Variants in DAB1 observed in about 807,000 individuals in gnomAD.
DAB1 encodes DAB adaptor protein 1.
Under a neutral mutation model 64.6 loss-of-function variants are expected in DAB1, and 15 were observed. The observed-to-expected ratio is 0.23, with a 90% confidence interval of 0.16 to 0.36. The LOEUF (loss-of-function observed/expected upper bound fraction) is 0.36. Ranked by LOEUF, DAB1 falls within the 10% of genes least tolerant of loss-of-function variation. The pLI is 1.00. For synonymous variants in DAB1, 235 were observed against 251.9 expected, an observed-to-expected ratio of 0.93 and a Z score of 0.64; for missense variants, 596 against 706.7, an observed-to-expected ratio of 0.84 and a Z score of 1.78.
At chr1:57,384,167 A>C (rs1304390129) in intron 1 of DAB1, among the ~76,000 whole-genome samples, 1 of 152,200 alleles carries the variant, frequency 6.6e-6, no homozygotes, top group East Asian at 1.9e-4. Context: ...ATCATTAGGA[A>C]AATGCAAATT....
At chr1:57,816,083 G>A (rs766832512) in intron 6 of DAB1, among the ~76,000 whole-genome samples, 1 of 152,190 alleles carries the variant, frequency 6.6e-6, no homozygotes, top group Non-Finnish European at 1.5e-5. Context: ...CTGGTAAAGT[G>A]AGAGTACTGA....
intron 7 of DAB1, among the ~76,000 whole-genome samples, chr1:57,493,355 A>G (rs1322129237): frequency 6.6e-6 from 1 of 151,682 alleles, no homozygotes; most frequent in Admixed American, 6.6e-5. Flanking sequence ...ATTTAGCTAT[A>G]TTGGGCAACT....
intron 4 of DAB1, among the ~76,000 whole-genome samples, chr1:57,106,977 C>T (rs1335453782): frequency 6.6e-6 from 1 of 152,108 alleles, no homozygotes; most frequent in African/African-American, 2.4e-5. Context: ...GTCAGGTTAT[C>T]ATGAGGCTGG....
chr1:58,373,720 T>G (rs958017383), intron 3 of DAB1, among the ~76,000 whole-genome samples: 2 of 151,970 alleles, frequency 1.3e-5, no homozygotes, highest in African/African-American at 4.8e-5. Flanking sequence ...GGTCAAATGG[T>G]ATTTCTAGTT....
At position 58,357,807 on chromosome 1, in the gene DAB1, G is replaced by A. The variant is rs556945314; in HGVS notation, n.258-14404C>T. On this transcript the variant is annotated intron_variant and non_coding_transcript_variant, in intron 3 of 20. Coordinates refer to the DAB1 transcript ENST00000485760. ...ATCTAGAGAGACAGGACAGAGACCT[G>A]TGAAATCCAACATCTATAGTGGGAA... is the stretch of plus-strand genomic sequence containing the variant. 9.8e-3 allele frequency among the ~76,000 whole-genome samples: 1,490 copies of A among 152,126 alleles called. 17 individuals carry two copies. The highest frequency in any genetic ancestry group is 0.015 in the Non-Finnish European group (1,028 of 67,986).
chr1:57,794,292 G>T (rs945732543), intron 6 of DAB1, among the ~76,000 whole-genome samples: 1 of 152,096 alleles, frequency 6.6e-6, no homozygotes, highest in Admixed American at 6.5e-5. Flanking sequence ...CACCAACAGG[G>T]TAAAGTCCAA....
intron 9 of DAB1, among the ~76,000 whole-genome samples, chr1:57,059,582 T>A (rs1650172727): frequency 6.6e-6 from 1 of 152,060 alleles, no homozygotes; most frequent in Non-Finnish European, 1.5e-5. Flanking sequence ...TGTGCATTCA[T>A]CAGAGAGGCA....
intron 3 of DAB1, among the ~76,000 whole-genome samples, chr1:58,351,115 G>C (rs1284130738): frequency 1.3e-5 from 2 of 152,096 alleles, no homozygotes; most frequent in African/African-American, 4.8e-5. Context: ...CCATTTGTTT[G>C]TGTCCTCCCT....
chr1:57,440,631 A>G lies in DAB1; in HGVS notation n.626-149465T>C, dbSNP rs139039963. 1.4e-3 allele frequency among the ~76,000 whole-genome samples: 214 copies of G among 152,294 alleles called. 5 individuals carry two copies. The East Asian group carries it at 0.036, about 26-fold the overall frequency. On this transcript the variant is annotated intron_variant and non_coding_transcript_variant, in intron 7 of 20. Coordinates refer to the DAB1 transcript ENST00000485760. ...TTAGGGGATGTTACCAAAGGATGCTAAAGGCAAAACCGTTCATAGCTCTTG... is the reference window on the plus strand; with the variant it reads ...TTAGGGGATGTTACCAAAGGATGCTGAAGGCAAAACCGTTCATAGCTCTTG...
chr1:57,608,071 A>C (rs1021894724), intron 7 of DAB1, among the ~76,000 whole-genome samples: 1 of 152,202 alleles, frequency 6.6e-6, no homozygotes, highest in Non-Finnish European at 1.5e-5. Context: ...CCAGGCATGC[A>C]CATACCCAGA....
intron 2 of DAB1, among the ~76,000 whole-genome samples, chr1:57,205,658 T>C (rs570575612): frequency 1.6e-4 from 24 of 152,328 alleles, no homozygotes; most frequent in Non-Finnish European, 8.8e-5. Flanking sequence ...ATTATTTCTC[T>C]CGTCTTACAG....
intron 7 of DAB1, among the ~76,000 whole-genome samples, chr1:57,482,500 AAAAAC>A (rs1174072523): frequency 6.6e-6 from 1 of 151,252 alleles, no homozygotes; most frequent in African/African-American, 2.4e-5. Context: ...AAAAAAAAAA[AAAAAC>A]AAGAAAAGCT....
intron 6 of DAB1, among the ~76,000 whole-genome samples, chr1:57,650,128 T>G (rs570558598): frequency 4.6e-5 from 7 of 152,026 alleles, no homozygotes; most frequent in Non-Finnish European, 1.0e-4. Context: ...AGCTTCCGGA[T>G]TCCTTCTTCT....
At chr1:58,471,715 T>A (rs572889140) in intron 3 of DAB1, among the ~76,000 whole-genome samples, 26 of 152,296 alleles carry the variant, frequency 1.7e-4, no homozygotes, top group African/African-American at 6.0e-4. Flanking sequence ...GAGTGAGTTA[T>A]CACAAGATCT....
chr1:58,543,420 GC>G (rs1646652070), intron 1 of DAB1, among the ~76,000 whole-genome samples: 1 of 152,076 alleles, frequency 6.6e-6, no homozygotes, highest in Non-Finnish European at 1.5e-5. Context: ...AAATATCTCA[GC>G]CCACATTAAA....
At chr1:58,264,753 A>G (rs942213600) in intron 4 of DAB1, among the ~76,000 whole-genome samples, 1 of 152,208 alleles carries the variant, frequency 6.6e-6, no homozygotes, top group African/African-American at 2.4e-5. Flanking sequence ...ACGTGGCACC[A>G]TCTAAATGTA....
intron 3 of DAB1, among the ~76,000 whole-genome samples, chr1:58,374,555 C>T (rs1644304513): frequency 6.7e-6 from 1 of 148,678 alleles, no homozygotes; most frequent in African/African-American, 2.5e-5. Context: ...GTTTTGGTAC[C>T]AGTACCATGC....
chr1:58,439,090 A>G (rs1049367756), intron 3 of DAB1, among the ~76,000 whole-genome samples: 1 of 31,772 alleles, frequency 3.1e-5, no homozygotes, highest in African/African-American at 1.2e-4. Flanking sequence ...TTCCCCACCC[A>G]CCCACCCACC....
At chr1:58,087,949 G>C (rs1471960763) in intron 5 of DAB1, among the ~76,000 whole-genome samples, 2 of 152,290 alleles carry the variant, frequency 1.3e-5, no homozygotes, top group South Asian at 2.1e-4. Flanking sequence ...CTGACTTCCT[G>C]GTGTTCCCAC....
Sources: allele counts gnomAD v4.1 joint callset (sites outside exome capture counted in the v4.1 genomes callset), GRCh38; gene constraint gnomAD v4.1.1; transcripts MANE v1.5; gene names NCBI Gene and HGNC (gene_info 2026-07-23, HGNC 2026-07-21).